The following RGS7 variants were observed in gnomAD, a reference collection of about 807,000 sequenced individuals.
The protein encoded by RGS7 is regulator of G-protein signaling 7.
RGS7 carries 27 observed loss-of-function variants against 81.1 expected under a neutral mutation model. That is an observed-to-expected ratio of 0.33 (90% CI 0.25 to 0.46). The LOEUF is 0.46. Among genes scored for constraint, RGS7 ranks in the 20% least tolerant of loss-of-function variants. The pLI is 1.00. For missense variants in RGS7, 396 were observed against 607.4 expected (o/e 0.65, Z 3.66); for synonymous variants, 208 against 207.7 (o/e 1.00, Z -0.01).
At chr1:241,090,744 A>C (rs989014983) in intron 3 of RGS7, among the ~76,000 whole-genome samples, 1 of 152,200 alleles carries the variant, frequency 6.6e-6, no homozygotes, top group African/African-American at 2.4e-5. Context: ...ATAATCTCCA[A>C]ATTTTACAGG....
At chr1:240,840,654 G>A (rs938776224) in intron 9 of RGS7, among the ~76,000 whole-genome samples, 4 of 152,088 alleles carry the variant, frequency 2.6e-5, no homozygotes, top group African/African-American at 9.7e-5. Context: ...AGTCCCTCTC[G>A]ATCACATCAC....
intron 4 of RGS7, among the ~76,000 whole-genome samples, chr1:240,980,512 A>G (rs1214334032): frequency 6.6e-6 from 1 of 152,208 alleles, no homozygotes; most frequent in Non-Finnish European, 1.5e-5. Context: ...AAACATCTTC[A>G]GGGAGTTTTT....
At chr1:241,076,638 T>C (rs2062817340) in intron 3 of RGS7, among the ~76,000 whole-genome samples, 2 of 152,172 alleles carry the variant, frequency 1.3e-5, no homozygotes, top group South Asian at 4.1e-4. Context: ...GGACTTAATT[T>C]AGTGTTCATT....
intron 2 of RGS7, among the ~76,000 whole-genome samples, chr1:241,302,634 T>C (rs1252440882): frequency 1.3e-5 from 2 of 152,218 alleles, no homozygotes; most frequent in East Asian, 1.9e-4. Flanking sequence ...CAAATTACTT[T>C]GAAAAATTTT....
At chr1:241,016,526 C>CA (rs1162218572) in intron 3 of RGS7, among the ~76,000 whole-genome samples, 2 of 150,072 alleles carry the variant, frequency 1.3e-5, no homozygotes, top group African/African-American at 4.9e-5. Flanking sequence ...CAAAAAAACA[C>CA]AAAAAACAAA....
chr1:241,229,860 C>T (rs2075550022), intron 2 of RGS7, among the ~76,000 whole-genome samples: 1 of 152,178 alleles, frequency 6.6e-6, no homozygotes, highest in Non-Finnish European at 1.5e-5. Flanking sequence ...AAAGACTGAA[C>T]ATAAAGAATA....
chr1:241,008,600 CTG>C (rs780103858), intron 3 of RGS7, among the ~76,000 whole-genome samples: 2 of 152,130 alleles, frequency 1.3e-5, no homozygotes, highest in African/African-American at 2.4e-5. Flanking sequence ...GCTGTTGAAA[CTG>C]TAAATTTTTT....
intron 2 of RGS7, among the ~76,000 whole-genome samples, chr1:241,323,178 T>A (rs745928513): frequency 6.6e-6 from 1 of 152,246 alleles, no homozygotes; most frequent in Non-Finnish European, 1.5e-5. Flanking sequence ...CATGAAGGCA[T>A]CTGATTTTGT....
At chr1:241,313,166 G>A (rs2080654148) in intron 2 of RGS7, among the ~76,000 whole-genome samples, 1 of 152,232 alleles carries the variant, frequency 6.6e-6, no homozygotes. Context: ...AGTACAAAGT[G>A]AAGCAGCAAA....
At chr1:240,777,372 AATT>A (rs1210058430) in intron 18 of RGS7, among the ~76,000 whole-genome samples, 1 of 152,250 alleles carries the variant, frequency 6.6e-6, no homozygotes, top group Admixed American at 6.5e-5. Context: ...TCTATTATAA[AATT>A]ATGTGGGCCA....
chr1:241,302,360 T>C (rs1194293812), intron 2 of RGS7, among the ~76,000 whole-genome samples: 2 of 152,010 alleles, frequency 1.3e-5, no homozygotes, highest in African/African-American at 2.4e-5. Flanking sequence ...CCATCCTGGG[T>C]AACACAGTGA....
chr1:241,203,180 C>T (rs1339088810), intron 2 of RGS7, among the ~76,000 whole-genome samples: 4 of 152,016 alleles, frequency 2.6e-5, no homozygotes, highest in East Asian at 1.9e-4. Flanking sequence ...TCCTTCCACT[C>T]GATCACATTT....
At chr1:241,222,033 A>G (rs2075048315) in intron 2 of RGS7, among the ~76,000 whole-genome samples, 1 of 152,192 alleles carries the variant, frequency 6.6e-6, no homozygotes, top group Non-Finnish European at 1.5e-5. Flanking sequence ...ATTTCTAGGA[A>G]GAACTCTTAA....
At chr1:241,112,794 A>G (rs1418954271) in intron 2 of RGS7, among the ~76,000 whole-genome samples, 1 of 152,232 alleles carries the variant, frequency 6.6e-6, no homozygotes, top group East Asian at 1.9e-4. Context: ...TTGCCGATTC[A>G]AGGCACTACA....
At chr1:240,976,864 C>T (rs1337936165) in intron 4 of RGS7, among the ~76,000 whole-genome samples, 1 of 49,964 alleles carries the variant, frequency 2.0e-5, no homozygotes, top group Non-Finnish European at 6.0e-5. Flanking sequence ...TATCTACCAT[C>T]CATCATCTAT....
At chr1:241,183,834 T>C (rs1029348443) in intron 2 of RGS7, among the ~76,000 whole-genome samples, 1 of 152,188 alleles carries the variant, frequency 6.6e-6, no homozygotes, top group Admixed American at 6.5e-5. Flanking sequence ...TTCCCTCTAC[T>C]TCTGTACCGC....
Position 240,814,720 on chromosome 1 carries a change from C to T in RGS7, c.841G>A (p.Asp281Asn), listed in dbSNP as rs755905595. ...CAGACACTTTGAAATACTCACCTGT[C>T]AGCGACTTTTGACATTTTTAACCGA... ...RHRLKMSKVA[D>N]SLLSYTEQYL... is the part of the protein sequence containing the mutation. Residue 281 changes from aspartate to asparagine, a missense_variant, in exon 12 of 19, where the codon GAC (aspartate) becomes AAC (asparagine). Transcript: ENST00000440928. 1 of 1,584,604 alleles carries T rather than the reference C, an allele frequency of 6.3e-7. No homozygotes were observed. The highest frequency in any genetic ancestry group is 1.3e-5 in the African/African-American group (1 of 74,396).
At chr1:240,792,316 A>G (rs1019272764) in intron 18 of RGS7, among the ~76,000 whole-genome samples, 13 of 152,132 alleles carry the variant, frequency 8.5e-5, no homozygotes, top group African/African-American at 1.4e-4. Flanking sequence ...TTTTGTTATC[A>G]TCTAATGTGC....
At chr1:241,097,310 C>T (rs761762537) in intron 3 of RGS7, among the ~76,000 whole-genome samples, 13 of 152,080 alleles carry the variant, frequency 8.5e-5, no homozygotes, top group East Asian at 7.8e-4. Flanking sequence ...GAAACTAGAA[C>T]GAAGTGGGCA....
Sources: gnomAD v4.1 joint callset for allele counts (sites outside exome capture counted in the v4.1 genomes callset) on GRCh38, gnomAD v4.1.1 for gene constraint, MANE v1.5 for transcripts, NCBI Gene and HGNC (gene_info 2026-07-23, HGNC 2026-07-21) for gene names.